The following ANGPT1 variants were observed in gnomAD, a reference collection of about 807,000 sequenced individuals.
ANGPT1 encodes angiopoietin-1.
In ANGPT1, 17 loss-of-function variants were observed where a neutral mutation model predicts 62.2. The observed-to-expected ratio is 0.27, with a 90% CI of 0.19 to 0.41. ANGPT1 has a LOEUF of 0.41. ANGPT1 is among the 10% of genes least tolerant of loss of function. The pLI is 1.00. For synonymous variants in ANGPT1, 199 were observed against 198.9 expected (o/e 1.00, Z 0.00); for missense variants, 478 against 594.9 (o/e 0.80, Z 2.04).
chr8:107,446,844 G>T (rs1420711634), intron 1 of ANGPT1, among the ~76,000 whole-genome samples: 1 of 152,106 alleles, frequency 6.6e-6, no homozygotes, highest in African/African-American at 2.4e-5. Flanking sequence ...CTAAATTCCA[G>T]ACTCAACAAT....
intron 1 of ANGPT1, among the ~76,000 whole-genome samples, chr8:107,459,433 G>A (rs538209290): frequency 6.6e-6 from 1 of 151,938 alleles, no homozygotes; most frequent in African/African-American, 2.4e-5. Flanking sequence ...AGGTTGCAGT[G>A]AGCCAAGATC....
intron 1 of ANGPT1, among the ~76,000 whole-genome samples, chr8:107,394,569 A>T (rs1816898682): frequency 6.6e-6 from 1 of 152,186 alleles, no homozygotes; most frequent in Non-Finnish European, 1.5e-5. Context: ...CTTAAGAGAT[A>T]TCATGACAAA....
chr8:107,414,447 A>G (rs559631860), intron 1 of ANGPT1, among the ~76,000 whole-genome samples: 1 of 152,346 alleles, frequency 6.6e-6, no homozygotes, highest in Non-Finnish European at 1.5e-5. Context: ...TATACCCTAT[A>G]AATATATACA....
At chr8:107,340,114 G>A (rs1039122295) in intron 2 of ANGPT1, among the ~76,000 whole-genome samples, 6 of 152,128 alleles carry the variant, frequency 3.9e-5, no homozygotes, top group South Asian at 2.1e-4. Flanking sequence ...CTTGCCATGC[G>A]ACTATGGAAT....
chr8:107,461,225 T>C (rs777839754), intron 1 of ANGPT1, among the ~76,000 whole-genome samples: 5 of 152,136 alleles, frequency 3.3e-5, no homozygotes, highest in Non-Finnish European at 5.9e-5. Context: ...TTTTCTCTAC[T>C]TAGGAGCATT....
intron 1 of ANGPT1, among the ~76,000 whole-genome samples, chr8:107,386,138 C>T (rs189625642): frequency 1.3e-5 from 2 of 152,132 alleles, no homozygotes; most frequent in Admixed American, 6.6e-5. Context: ...TTAGTTGATG[C>T]AGGAACAGAA....
In ANGPT1 at chr8:107,471,531, G is replaced by A. The variant is rs1400613599; in HGVS notation, c.297+25731C>T. Among the ~76,000 whole-genome samples the A allele has an allele frequency of 2.0e-5, 3 of 152,170 alleles. No homozygotes were observed. In the East Asian group the frequency reaches 5.8e-4, roughly 29 times the overall value. ...TAACAAACCTGCACGTTCTGCACAT[G>A]TACCCCAGAACTTAAAGCTAAAAAA... On this transcript the variant is annotated intron_variant, in intron 1 of 8. Transcript: ENST00000517746.
At chr8:107,253,386 T>G (rs1813290155) in intron 8 of ANGPT1, among the ~76,000 whole-genome samples, 1 of 152,216 alleles carries the variant, frequency 6.6e-6, no homozygotes, top group African/African-American at 2.4e-5. Flanking sequence ...CTGTTTATAT[T>G]ATAAAAAGCA....
chr8:107,299,590 G>A (rs1004447750), intron 5 of ANGPT1, among the ~76,000 whole-genome samples: 1 of 138,636 alleles, frequency 7.2e-6, no homozygotes, highest in Admixed American at 7.4e-5. Context: ...TATAGATATA[G>A]ACAGCAGATA....
chr8:107,480,000 T>G (rs1293859360), intron 1 of ANGPT1, among the ~76,000 whole-genome samples: 1 of 152,150 alleles, frequency 6.6e-6, no homozygotes, highest in East Asian at 1.9e-4. Flanking sequence ...ATAAAAAAAT[T>G]TGCCTAAAAA....
intron 8 of ANGPT1, among the ~76,000 whole-genome samples, chr8:107,255,787 T>TGAA (rs555496081): frequency 6.6e-6 from 1 of 151,992 alleles, no homozygotes; most frequent in African/African-American, 2.4e-5. Flanking sequence ...TTACAGCCTG[T>TGAA]AAAATCCTAC....
intron 7 of ANGPT1, among the ~76,000 whole-genome samples, chr8:107,270,295 G>C (rs1340166345): frequency 6.6e-6 from 1 of 152,060 alleles, no homozygotes; most frequent in African/African-American, 2.4e-5. Flanking sequence ...CTTTTAAACA[G>C]TAGACAGACT....
At chr8:107,356,842 T>G (rs1044238498) in intron 1 of ANGPT1, among the ~76,000 whole-genome samples, 1 of 152,200 alleles carries the variant, frequency 6.6e-6, no homozygotes, top group Non-Finnish European at 1.5e-5. Context: ...CATCAGAGTT[T>G]TAATATGGGA....
intron 1 of ANGPT1, among the ~76,000 whole-genome samples, chr8:107,438,669 G>T (rs372175813): frequency 6.6e-6 from 1 of 152,006 alleles, no homozygotes; most frequent in Non-Finnish European, 1.5e-5. Flanking sequence ...TTAGGCTATG[G>T]TTATCACCAA....
At chr8:107,494,017 T>C (rs1327678067) in intron 1 of ANGPT1, among the ~76,000 whole-genome samples, 1 of 148,830 alleles carries the variant, frequency 6.7e-6, no homozygotes, top group Admixed American at 6.8e-5. Flanking sequence ...TTCATAACTA[T>C]ATTTTCCATT....
chr8:107,391,728 G>A (rs1342032873), intron 1 of ANGPT1, among the ~76,000 whole-genome samples: 1 of 152,166 alleles, frequency 6.6e-6, no homozygotes, highest in Non-Finnish European at 1.5e-5. Context: ...AGATGGGATA[G>A]CCTAGTATAC....
intron 1 of ANGPT1, among the ~76,000 whole-genome samples, chr8:107,356,947 A>C (rs892776554): frequency 6.6e-6 from 1 of 152,224 alleles, no homozygotes; most frequent in African/African-American, 2.4e-5. Flanking sequence ...AACATATATA[A>C]GAACATATGT....
At chr8:107,494,385 G>A (rs1813040910) in intron 1 of ANGPT1, among the ~76,000 whole-genome samples, 1 of 152,100 alleles carries the variant, frequency 6.6e-6, no homozygotes, top group South Asian at 2.1e-4. Context: ...TTATCTAAGA[G>A]CTGGTCACTC....
At chr8:107,299,420 T>TATATATATATATATATATATATATAA (rs1342219214) in intron 5 of ANGPT1, among the ~76,000 whole-genome samples, 1 of 120,430 alleles carries the variant, frequency 8.3e-6, no homozygotes, top group Non-Finnish European at 1.8e-5. Flanking sequence ...TATATATATA[T>TATATATATATATATATATATATATAA]AAACATACAT....
Sources: gnomAD v4.1 joint callset for allele counts (sites outside exome capture counted in the v4.1 genomes callset) on GRCh38, gnomAD v4.1.1 for gene constraint, MANE v1.5 for transcripts, NCBI Gene and HGNC (gene_info 2026-07-23, HGNC 2026-07-21) for gene names.